GDPD4: variants seen among roughly 807,000 people sequenced by gnomAD.
The protein encoded by GDPD4 is glycerophosphodiester phosphodiesterase domain containing 4, also known as glycerophosphodiester phosphodiesterase 6.
GDPD4 carries 60 observed loss-of-function variants against 67.8 expected under a neutral mutation model. The ratio of observed to expected loss-of-function variants is 0.88; its 90% confidence interval spans 0.72 to 1.10. GDPD4 has a LOEUF of 1.10. Ranked by LOEUF, GDPD4 falls within the 50% of genes least tolerant of loss-of-function variation. GDPD4 has a pLI of 0.00. For missense variants in GDPD4, 623 were observed against 613.9 expected, an observed-to-expected ratio of 1.01 and a Z score of -0.16; for synonymous variants, 212 against 210.9, an observed-to-expected ratio of 1.00 and a Z score of -0.04.
intron 15 of GDPD4, among the ~76,000 whole-genome samples, chr11:77,228,609 T>C (rs1591529839): frequency 7.1e-6 from 1 of 141,716 alleles, no homozygotes; most frequent in African/African-American, 2.7e-5. Flanking sequence ...ACCCAGGAGG[T>C]GGAGGCTGCA....
At chr11:77,220,114 C>T (rs113937451) in intron 16 of GDPD4, among the ~76,000 whole-genome samples, 3,295 of 152,212 alleles carry the variant, frequency 0.022, 130 homozygotes, top group African/African-American at 0.075. Flanking sequence ...TGGGCTGAGA[C>T]GATGGGGTTT....
chr11:77,223,723 T>C (rs1043752430), intron 16 of GDPD4, among the ~76,000 whole-genome samples: 1 of 152,196 alleles, frequency 6.6e-6, no homozygotes, highest in Non-Finnish European at 1.5e-5. Flanking sequence ...CACTACTCTC[T>C]TCAGAGCTGT....
intron 1 of GDPD4, among the ~76,000 whole-genome samples, chr11:77,297,442 A>C (rs775529194): frequency 8.6e-5 from 13 of 151,660 alleles, no homozygotes; most frequent in Non-Finnish European, 1.9e-4. Context: ...AGGCTGAGGC[A>C]GGAGAATGGC....
chr11:77,277,218 C>G (rs1392209760), intron 4 of GDPD4, among the ~76,000 whole-genome samples: 1 of 150,158 alleles, frequency 6.7e-6, no homozygotes, highest in Non-Finnish European at 1.5e-5. Context: ...CTACATTTTC[C>G]CCATGTAAAA....
chr11:77,290,076 C>T (rs571771118), intron 1 of GDPD4, among the ~76,000 whole-genome samples: 11 of 152,090 alleles, frequency 7.2e-5, no homozygotes, highest in East Asian at 3.9e-4. Context: ...TAGATTTAAC[C>T]GAAAAAGGTC....
intron 15 of GDPD4, 149 bp from the exon 16 acceptor site, chr11:77,228,065 T>G: frequency 1.4e-6 from 1 of 706,566 alleles, no homozygotes; most frequent in South Asian, 1.6e-5. Flanking sequence ...AATGTCATTT[T>G]CTTCTACAGA....
At chr11:77,291,041 T>C (rs1260013470) in intron 1 of GDPD4, among the ~76,000 whole-genome samples, 1 of 152,182 alleles carries the variant, frequency 6.6e-6, no homozygotes, top group African/African-American at 2.4e-5. Context: ...AGAAAGGAAA[T>C]CAGTATATCA....
intron 13 of GDPD4, among the ~76,000 whole-genome samples, chr11:77,235,015 T>G (rs1361818154): frequency 2.6e-5 from 3 of 113,380 alleles, no homozygotes; most frequent in African/African-American, 8.1e-5. Flanking sequence ...ATCTGTTTTT[T>G]TTTTTTTTTT....
rs909209084 is a variant in GDPD4 at position 77,216,944 on chromosome 11, T to C, written c.*333A>G. ...CTCTTAGAGGTCTCTTATTTAAGGATAGGGGACCTCTATGGAGGGCATGGT... is the reference window on the plus strand; with the variant it reads ...CTCTTAGAGGTCTCTTATTTAAGGACAGGGGACCTCTATGGAGGGCATGGT... On this transcript the variant is annotated 3_prime_UTR_variant, in exon 17 of 17. Transcript: ENST00000315938. The C allele has an allele frequency of 7.1e-6, 5 of 702,342 alleles. No homozygotes were observed. Among genetic ancestry groups the C allele is most frequent in the Non-Finnish European group, 1.3e-5 (5 of 384,876 alleles). The allele number at this position is 702,342 out of a possible 1,614,324, so 43.5% of individuals were successfully genotyped here.
rs1958486100 is a variant in GDPD4 at position 77,233,184 on chromosome 11, A to C, written c.1242-12T>G. On this transcript the variant is annotated splice_polypyrimidine_tract_variant and intron_variant, in intron 13 of 16. Transcript: ENST00000315938. ...CTGCTTTATAATCTCTGGAACAAAA[A>C]CAGAACCCACAGGGGATTTAGATCA... 6.2e-7 allele frequency: 1 copy of C among 1,611,574 alleles called. No homozygotes were observed. The highest frequency in any genetic ancestry group is 1.3e-5 in the African/African-American group (1 of 74,888).
intron 1 of GDPD4, among the ~76,000 whole-genome samples, chr11:77,289,114 C>A (rs1937672219): frequency 6.6e-6 from 1 of 151,612 alleles, no homozygotes; most frequent in Non-Finnish European, 1.5e-5. Flanking sequence ...TCACACCCAG[C>A]ACTTTGGGAG....
chr11:77,231,283 T>C (rs1958449080), intron 14 of GDPD4, among the ~76,000 whole-genome samples: 1 of 152,256 alleles, frequency 6.6e-6, no homozygotes, highest in South Asian at 2.1e-4. Context: ...CAAGTGTTTC[T>C]ACTGCACTAT....
At chr11:77,293,898 A>C (rs948972256) in intron 1 of GDPD4, among the ~76,000 whole-genome samples, 2 of 152,238 alleles carry the variant, frequency 1.3e-5, no homozygotes, top group Non-Finnish European at 2.9e-5. Context: ...TTGTACTGGC[A>C]GTCCTAGCCA....
intron 1 of GDPD4, among the ~76,000 whole-genome samples, chr11:77,295,812 TAAG>T (rs1038411824): frequency 5.9e-5 from 9 of 152,176 alleles, no homozygotes; most frequent in Non-Finnish European, 8.8e-5. Context: ...AAGACATTCC[TAAG>T]AAGTAAAAAG....
At chr11:77,228,216 G>A (rs557462499) in intron 15 of GDPD4, among the ~76,000 whole-genome samples, 1 of 147,060 alleles carries the variant, frequency 6.8e-6, no homozygotes, top group East Asian at 2.0e-4. Context: ...AGCCAGGCAT[G>A]GGCCAGGCAG....
chr11:77,239,687 C>T (rs765644005), intron 13 of GDPD4, among the ~76,000 whole-genome samples: 6 of 152,030 alleles, frequency 3.9e-5, no homozygotes, highest in South Asian at 2.1e-4. Context: ...GGGCCGGGTG[C>T]GGTGGCTCAC....
chr11:77,289,362 C>CA, intron 1 of GDPD4, among the ~76,000 whole-genome samples: 1 of 118,014 alleles, frequency 8.5e-6, no homozygotes, highest in Non-Finnish European at 1.8e-5. Flanking sequence ...TACTCCATCT[C>CA]AAAAAAGAGG....
intron 3 of GDPD4, among the ~76,000 whole-genome samples, chr11:77,282,424 C>T (rs967539500): frequency 1.3e-5 from 2 of 152,018 alleles, no homozygotes; most frequent in African/African-American, 2.4e-5. Flanking sequence ...GGAGGTCGAG[C>T]GGGCAGATCA....
At position 77,228,499 on chromosome 11, in the gene GDPD4, CAAAAAAA is replaced by C. The variant is rs58364800; in HGVS notation, c.1473-590_1473-584del. Among the ~76,000 whole-genome samples the C allele has an allele frequency of 6.0e-4, 16 of 26,642 alleles. No individual in the cohort carries two copies. The South Asian group carries it at 7.7e-3, about 13-fold the overall frequency. 17.5% of individuals were successfully genotyped at this position (26,642 alleles called of 152,430 possible). A position where few individuals can be genotyped will look rare whatever the true frequency, so the allele number is the denominator to read the frequency against. On this transcript the variant is annotated intron_variant, in intron 15 of 16. Transcript: ENST00000315938. ...TGGGTGACAGAGCAAGACTCCGTCT[CAAAAAAA>C]AAAAAAAAAAAAAAAAAAAAAATTA...
Sources: allele counts gnomAD v4.1 joint callset (sites outside exome capture counted in the v4.1 genomes callset), GRCh38; gene constraint gnomAD v4.1.1; transcripts MANE v1.5; gene names NCBI Gene and HGNC (gene_info 2026-07-23, HGNC 2026-07-21).